MMS22L: variants seen among roughly 807,000 people sequenced by gnomAD.
The protein encoded by MMS22L is protein MMS22-like.
Under a neutral mutation model 159.1 loss-of-function variants are expected in MMS22L, and 74 were observed. That is an observed-to-expected ratio of 0.47 (90% CI 0.39 to 0.56). The LOEUF (loss-of-function observed/expected upper bound fraction) is 0.56, where lower values mean the gene tolerates loss of function less well. Among genes scored for constraint, MMS22L ranks in the 20% least tolerant of loss-of-function variants. The probability of loss-of-function intolerance (pLI) is 0.00; values close to 1 mark genes in which losing one functional copy is unlikely to be tolerated. For missense variants in MMS22L, 1,351 were observed against 1,422.1 expected (o/e 0.95, Z 0.80); for synonymous variants, 517 against 506.9 (o/e 1.02, Z -0.27).
At chr6:97,195,687 G>A (rs193217084) in intron 14 of MMS22L, among the ~76,000 whole-genome samples, 1 of 152,108 alleles carries the variant, frequency 6.6e-6, no homozygotes, top group South Asian at 2.1e-4. Context: ...TCTTAAAGTG[G>A]TAAGAAGACA....
chr6:97,227,703 T>C (rs1810407833), intron 14 of MMS22L, among the ~76,000 whole-genome samples: 1 of 152,236 alleles, frequency 6.6e-6, no homozygotes, highest in Non-Finnish European at 1.5e-5. Context: ...ACATTTGTAA[T>C]ATGATATTAG....
At chr6:97,282,732 C>CTG (rs1187333116) in intron 1 of MMS22L, among the ~76,000 whole-genome samples, 179 bp from the exon 2 acceptor site, 2 of 152,184 alleles carry the variant, frequency 1.3e-5, no homozygotes, top group East Asian at 3.9e-4. Context: ...AACCAACTGG[C>CTG]TGTGGCAGGG....
intron 14 of MMS22L, among the ~76,000 whole-genome samples, chr6:97,221,266 G>A (rs1362340669): frequency 3.3e-5 from 5 of 151,994 alleles, no homozygotes; most frequent in South Asian, 2.1e-4. Flanking sequence ...TAAATGAATC[G>A]CTTTATACTT....
At chr6:97,242,447 C>T (rs938763554) in intron 11 of MMS22L, among the ~76,000 whole-genome samples, 1 of 152,146 alleles carries the variant, frequency 6.6e-6, no homozygotes, top group African/African-American at 2.4e-5. Context: ...TTTGAATGGA[C>T]TATCTTTTTC....
chr6:97,261,175 T>A (rs1049409975), intron 9 of MMS22L: 4 of 152,236 alleles, frequency 2.6e-5, no homozygotes, highest in African/African-American at 9.6e-5. Flanking sequence ...CCTGCCTTGC[T>A]AGAAAGGCTC....
In MMS22L at chr6:97,228,841, ATAAG is replaced by A. The variant is rs202170178; in HGVS notation, c.2039+49_2039+52del. 3,294 of 1,482,056 alleles carry A rather than the reference ATAAG, an allele frequency of 2.2e-3. 47 individuals are homozygous for A. The African/African-American group carries it at 0.031, about 14-fold the overall frequency. 91.8% of individuals were successfully genotyped at this position (1,482,056 alleles called of 1,614,324 possible). A position where few individuals can be genotyped will look rare whatever the true frequency, so the allele number is the denominator to read the frequency against. ...TATATAACTTTAATATAAAATCCAC[ATAAG>A]TAATTATATAAAACAAATCATAAAT... On this transcript the variant is annotated intron_variant, in intron 14 of 24. Transcript: ENST00000683635.
chr6:97,162,979 T>C (rs1036809294), intron 21 of MMS22L, among the ~76,000 whole-genome samples: 2 of 151,592 alleles, frequency 1.3e-5, no homozygotes, highest in African/African-American at 4.9e-5. Flanking sequence ...AAAGTAATAA[T>C]AACCATAAGG....
chr6:97,206,756 C>T (rs889249688), intron 14 of MMS22L, among the ~76,000 whole-genome samples: 2 of 152,028 alleles, frequency 1.3e-5, no homozygotes, highest in Non-Finnish European at 2.9e-5. Flanking sequence ...CTAAAAGAGA[C>T]ACTAAACGCC....
intron 16 of MMS22L, among the ~76,000 whole-genome samples, chr6:97,181,351 A>AT (rs1032254071): frequency 6.6e-5 from 10 of 150,824 alleles, no homozygotes; most frequent in East Asian, 1.9e-4. Context: ...TATTCATTCT[A>AT]TTTTTTTTTC....
intron 9 of MMS22L, chr6:97,259,342 T>TG (rs1157188268): frequency 6.6e-6 from 1 of 152,114 alleles, no homozygotes; most frequent in East Asian, 1.9e-4. Flanking sequence ...TTATTCTGAG[T>TG]GTGTCTATAA....
In MMS22L at chr6:97,142,500, A is replaced by G. The variant is rs1311860514; in HGVS notation, c.*4306T>C. 6 of 152,496 alleles carry G rather than the reference A, an allele frequency of 3.9e-5. No homozygotes were observed. The highest frequency in any genetic ancestry group is 7.4e-5 in the Non-Finnish European group (5 of 67,956). The allele number at this position is 152,496 out of a possible 1,614,324, so 9.4% of individuals were successfully genotyped here. A position where few individuals can be genotyped will look rare whatever the true frequency, so the allele number is the denominator to read the frequency against. ...ATACTATACTCTTGCCTGACAGGCA[A>G]TATTTTTAACTCTAAGAGGGGTAGG... is the stretch of plus-strand genomic sequence containing the variant. On this transcript the variant is annotated 3_prime_UTR_variant, in exon 25 of 25. Transcript: ENST00000683635.
At position 97,200,616 on chromosome 6, in the gene MMS22L, GAA is replaced by G. The variant is rs113939263; in HGVS notation, c.2040-13928_2040-13927del. 2.5e-3 allele frequency among the ~76,000 whole-genome samples: 383 copies of G among 151,126 alleles called. 3 individuals are homozygous for G. The highest frequency in any genetic ancestry group is 8.8e-3 in the African/African-American group (361 of 41,254). ...ACATCAAAAAAGCTCATCTCCTGAT[GAA>G]AAAAAAATCCATGCATATGCTGGGA... On this transcript the variant is annotated intron_variant, in intron 14 of 24. Transcript: ENST00000683635.
At chr6:97,147,165 C>A (rs576638069) in intron 24 of MMS22L, among the ~76,000 whole-genome samples, 1 of 152,040 alleles carries the variant, frequency 6.6e-6, no homozygotes, top group African/African-American at 2.4e-5. Flanking sequence ...ATAATGCTCA[C>A]GGGTAATAAA....
At chr6:97,253,926 T>A (rs191629480) in intron 10 of MMS22L, 1 of 152,394 alleles carries the variant, frequency 6.6e-6, no homozygotes, top group African/African-American at 2.4e-5. Flanking sequence ...TACTATTAAT[T>A]TCTGAATATG....
intron 9 of MMS22L, chr6:97,258,860 CAA>C (rs1290923262): frequency 1.3e-5 from 2 of 152,292 alleles, no homozygotes; most frequent in African/African-American, 2.4e-5. Flanking sequence ...CCAATCCCCT[CAA>C]AGAGTGTTAT....
intron 8 of MMS22L, chr6:97,264,900 A>G (rs2128079765): frequency 6.6e-6 from 1 of 152,260 alleles, no homozygotes; most frequent in African/African-American, 2.4e-5. Flanking sequence ...TGAATACAAC[A>G]CAAGTAAGTA....
intron 9 of MMS22L, chr6:97,260,774 ATTC>A (rs1401093593): frequency 6.6e-6 from 1 of 152,178 alleles, no homozygotes; most frequent in Non-Finnish European, 1.5e-5. Context: ...AGCTTAAAAG[ATTC>A]TTAATTCAGG....
chr6:97,196,801 AGT>A (rs1168665847), intron 14 of MMS22L, among the ~76,000 whole-genome samples: 2 of 152,162 alleles, frequency 1.3e-5, no homozygotes, highest in Admixed American at 6.5e-5. Flanking sequence ...GAGTATGTGC[AGT>A]GTGACTTTGC....
At chr6:97,204,930 A>G (rs1161473488) in intron 14 of MMS22L, among the ~76,000 whole-genome samples, 1 of 138,294 alleles carries the variant, frequency 7.2e-6, no homozygotes, top group Non-Finnish European at 1.6e-5. Flanking sequence ...AGGGCCATGT[A>G]CAGTGTCTTT....
Sources: gnomAD v4.1 joint callset for allele counts (sites outside exome capture counted in the v4.1 genomes callset) on GRCh38, gnomAD v4.1.1 for gene constraint, MANE v1.5 for transcripts, NCBI Gene and HGNC (gene_info 2026-07-23, HGNC 2026-07-21) for gene names.